MCM3AP: variants seen among roughly 807,000 people sequenced by gnomAD.
MCM3AP encodes minichromosome maintenance complex component 3 associated protein, also known as germinal-center associated nuclear protein.
A neutral mutation model predicts 184.1 loss-of-function variants in MCM3AP; 126 were observed. The ratio of observed to expected loss-of-function variants is 0.68; its 90% CI spans 0.59 to 0.79. The LOEUF (loss-of-function observed/expected upper bound fraction) is 0.79, where lower values mean the gene tolerates loss of function less well. Ranked by LOEUF, MCM3AP falls within the 30% of genes least tolerant of loss-of-function variation. The pLI, the probability that MCM3AP is intolerant of heterozygous loss-of-function variation, is 0.00. For synonymous variants in MCM3AP, 1,002 were observed against 979.3 expected, an observed-to-expected ratio of 1.02 and a Z score of -0.43; for missense variants, 2,496 against 2,479.2, an observed-to-expected ratio of 1.01 and a Z score of -0.14.
chr21:46,275,941 G>A (rs1283401552), intron 5 of MCM3AP, among the ~76,000 whole-genome samples: 1 of 152,124 alleles, frequency 6.6e-6, no homozygotes, highest in Non-Finnish European at 1.5e-5. Flanking sequence ...TATACTTATT[G>A]TTTTCATGTT....
intron 5 of MCM3AP, 76 bp downstream of exon 5, chr21:46,277,451 A>T: frequency 8.7e-7 from 1 of 1,146,118 alleles, no homozygotes; most frequent in Non-Finnish European, 1.2e-6. Context: ...AATGGAAAGG[A>T]GTTGCTCCTG....
chr21:46,250,380 A>G (rs17176779), intron 20 of MCM3AP: 26,114 of 152,256 alleles, frequency 0.17, 2,828 homozygotes, highest in African/African-American at 0.3. Context: ...CCCTGATTCC[A>G]CCTAGTGTTC....
chr21:46,254,305 C>T (rs1321906827), intron 19 of MCM3AP, 87 bp downstream of exon 19: 1 of 1,448,966 alleles, frequency 6.9e-7, no homozygotes, highest in African/African-American at 1.4e-5. Flanking sequence ...TCCCATCACA[C>T]ATAAGAGGAA....
chr21:46,249,674 C>A (rs1483891538), intron 20 of MCM3AP: 2 of 425,386 alleles, frequency 4.7e-6, no homozygotes, highest in East Asian at 1.4e-4. Context: ...CAACAAGGGG[C>A]TGAACCAAGA....
chr21:46,240,995 G>A lies in MCM3AP; in HGVS notation c.5449C>T (p.Pro1817Ser), dbSNP rs758492477. The change falls in exon 26 of 28, where the codon CCT becomes TCT. Residue 1817 changes from proline to serine, a missense_variant. Transcript: ENST00000291688. ...GGTATGGGAAAATTGTTTGCAGAAG[G>A]ATGAAAAGGCTTTATTGCCAAACTG... ...EGRLAIKPFHPSANNFPIPLL... is the reference protein window; with the variant it reads ...EGRLAIKPFHSSANNFPIPLL... The A allele has an allele frequency of 1.2e-6, 2 of 1,613,634 alleles. No individual in the cohort carries two copies. Among genetic ancestry groups the A allele is most frequent in the East Asian group, 2.2e-5 (1 of 44,888 alleles).
rs140607100 is a variant in MCM3AP, at chr21:46,257,765, A to G, written c.3735-779T>C. ...GAAACCCCATCTCTACTAAAAATAA[A>G]AAAAACAAAATTAGCCGAGCATGGT... is the stretch of plus-strand genomic sequence containing the variant. On this transcript the variant is annotated intron_variant, in intron 16 of 27. Coordinates refer to ENST00000291688, the MANE Select transcript of MCM3AP (RefSeq NM_003906.5). 9.9e-4 allele frequency among the ~76,000 whole-genome samples: 150 copies of G among 152,054 alleles called. 1 individual carries two copies. Among genetic ancestry groups the G allele is most frequent in the African/African-American group, 3.1e-3 (129 of 41,482 alleles).
chr21:46,251,454 A>T, intron 20 of MCM3AP, 75 bp downstream of exon 20: 1 of 1,278,266 alleles, frequency 7.8e-7, no homozygotes, highest in Non-Finnish European at 1.1e-6. Context: ...CAGTATTTGC[A>T]TGGTTCCAGT....
At chr21:46,277,884 A>G (rs1157361683) in intron 4 of MCM3AP, among the ~76,000 whole-genome samples, 167 bp from the exon 5 acceptor site, 1 of 152,226 alleles carries the variant, frequency 6.6e-6, no homozygotes, top group African/African-American at 2.4e-5. Context: ...AATGAGCACA[A>G]AAGCGTTATT....
intron 2 of MCM3AP, among the ~76,000 whole-genome samples, chr21:46,282,953 T>C (rs2081351894): frequency 6.6e-6 from 1 of 151,120 alleles, no homozygotes; most frequent in Non-Finnish European, 1.5e-5. Context: ...TGAGACGGAG[T>C]CTGGCTCTGT....
Position 46,259,019 on chromosome 21 carries a change from G to C in MCM3AP, c.3654C>G (p.Asp1218Glu). The C allele has an allele frequency of 6.2e-7, 1 of 1,614,080 alleles. No individual in the cohort carries two copies. The highest frequency in any genetic ancestry group is 8.5e-7 in the Non-Finnish European group (1 of 1,179,992). ...CCEDVCAHLV[D>E]LFLVEEIFQT... ...GGAAGATTTCCTCCACGAGAAACAA[G>C]TCCACTAAGTGGGCACAGACATCCT... Residue 1218 changes from aspartate (D) to glutamate (E), a missense_variant, in exon 16 of 28, where the codon GAC becomes GAG. By Grantham distance (45) the Asp-to-Glu change is conservative. Around this residue, in one of 5 missense-constraint regions of MCM3AP, gnomAD observed 1,323 missense variants for 1,273.4 expected, o/e 1.04. Transcript: ENST00000291688.
chr21:46,246,953 C>T (rs1403773905), intron 20 of MCM3AP, 67 bp from the exon 21 acceptor site: 21 of 1,545,580 alleles, frequency 1.4e-5, no homozygotes, highest in Non-Finnish European at 1.7e-5. Flanking sequence ...CTGATCTGCC[C>T]CAGAGCAAGT....
At chr21:46,260,273 T>C (rs373977886) in intron 15 of MCM3AP, among the ~76,000 whole-genome samples, 1 of 152,158 alleles carries the variant, frequency 6.6e-6, no homozygotes, top group Non-Finnish European at 1.5e-5. Context: ...CTTAATAAAA[T>C]AGTCAGAATT....
chr21:46,243,261 G>A (rs1415389218), intron 24 of MCM3AP: 1 of 695,950 alleles, frequency 1.4e-6, no homozygotes, highest in Admixed American at 2.8e-5. Context: ...GCCTGTTTCA[G>A]GGAGGTGAGT....
intron 12 of MCM3AP, 107 bp from the exon 13 acceptor site, chr21:46,264,324 C>A: frequency 1.5e-6 from 1 of 664,402 alleles, no homozygotes; most frequent in South Asian, 1.9e-5. Flanking sequence ...GACAGAAGCA[C>A]AACCCCTGAC....
intron 20 of MCM3AP, among the ~76,000 whole-genome samples, chr21:46,249,278 C>A (rs2080831050): frequency 6.6e-6 from 1 of 152,150 alleles, no homozygotes; most frequent in African/African-American, 2.4e-5. Flanking sequence ...GCCTCGAACT[C>A]CCAGGTTCAA....
rs1399881915 is a variant in MCM3AP, at chr21:46,236,905, T to TA, written c.5707dup (p.Tyr1903LeufsTer14). On this transcript the variant is annotated frameshift_variant, in exon 27 of 28. Transcript: ENST00000291688. LOFTEE classifies it high-confidence loss of function. ...AAGAGACACTAGAGTCTGAGGAAGA[T>TA]AGAGGGGAAGGGAAGTTAAATCCGT... The TA allele has an allele frequency of 6.4e-7, 1 of 1,573,116 alleles. No individual in the cohort carries two copies. Among genetic ancestry groups the TA allele is most frequent in the Non-Finnish European group, 8.6e-7 (1 of 1,165,000 alleles).
rs773755111 is a variant in MCM3AP, at chr21:46,246,779, A to T, written c.4398T>A (p.Ser1466Arg). The change falls in exon 21 of 28, where the codon AGT (serine) becomes AGA (arginine). Residue 1466 changes from serine to arginine, a missense_variant. This residue lies in a region of MCM3AP where 1,323 missense variants were observed against 1,273.4 expected (regional missense o/e 1.04). Transcript: ENST00000291688. ...LMLLLPPKMKSEDMAEEDVYW... is the reference protein window; with the variant it reads ...LMLLLPPKMKREDMAEEDVYW... ...ACACGTCCTCCTCTGCCATGTCCTC[A>T]CTCTTCATTTTGGGGGGAAGCAGCA... The T allele has an allele frequency of 1.2e-6, 2 of 1,613,656 alleles. No homozygotes were observed. Among genetic ancestry groups the T allele is most frequent in the African/African-American group, 2.7e-5 (2 of 74,776 alleles).
intron 27 of MCM3AP, 83 bp from the exon 28 acceptor site, chr21:46,235,509 C>G (rs2080506165): frequency 8.3e-7 from 1 of 1,203,002 alleles, no homozygotes; most frequent in Non-Finnish European, 1.2e-6. Context: ...AGATCTGGAT[C>G]ATGTTAGAAA....
intron 4 of MCM3AP, among the ~76,000 whole-genome samples, chr21:46,279,652 C>T (rs760052610): frequency 3.9e-4 from 59 of 152,232 alleles, no homozygotes; most frequent in Non-Finnish European, 5.3e-4. Context: ...AAAAAAAGGC[C>T]AGCCCCAAAG....
Sources: allele counts gnomAD v4.1 joint callset (sites outside exome capture counted in the v4.1 genomes callset), GRCh38; gene constraint gnomAD v4.1.1; regional missense constraint gnomAD v4.1.1; transcripts MANE v1.5; gene names NCBI Gene and HGNC (gene_info 2026-07-23, HGNC 2026-07-21).